ZFYVE16: variants seen among roughly 807,000 people sequenced by gnomAD.
ZFYVE16 encodes the protein zinc finger FYVE-type containing 16, also known as zinc finger FYVE domain-containing protein 16.
ZFYVE16 carries 89 observed loss-of-function variants against 138.1 expected under a neutral mutation model. The observed-to-expected ratio is 0.64, with a 90% CI of 0.54 to 0.77. The LOEUF is 0.77. ZFYVE16 is among the 30% of genes least tolerant of loss of function. ZFYVE16 has a pLI of 0.00. For synonymous variants in ZFYVE16, 596 were observed against 618.3 expected, an observed-to-expected ratio of 0.96 and a Z score of 0.53; for missense variants, 1,793 against 1,786.7, an observed-to-expected ratio of 1.00 and a Z score of -0.06.
intron 2 of ZFYVE16, among the ~76,000 whole-genome samples, chr5:80,429,378 T>A (rs1748635036): frequency 6.6e-6 from 1 of 152,042 alleles, no homozygotes; most frequent in Non-Finnish European, 1.5e-5. Flanking sequence ...AGAAATAAAA[T>A]CCTTTACAGA....
intron 10 of ZFYVE16, among the ~76,000 whole-genome samples, chr5:80,450,844 T>A (rs1751916580): frequency 6.7e-6 from 1 of 149,004 alleles, no homozygotes; most frequent in East Asian, 2.0e-4. Context: ...TTTGAGACAG[T>A]GTCTCCACCC....
Position 80,443,266 on chromosome 5 carries a change from A to G in ZFYVE16, c.2563A>G (p.Lys855Glu). 6.2e-7 allele frequency: 1 copy of G among 1,608,854 alleles called. No homozygotes were observed. Among genetic ancestry groups the G allele is most frequent in the Non-Finnish European group, 8.5e-7 (1 of 1,178,850 alleles). ...AGCAACTTTGCCAGTCTCAGCACTT[A>G]AACAACCAGGTGTTGAAGGTAATAG... ...SPATLPVSAL[K>E]QPGVEGLCSK... Residue 855 changes from lysine (K) to glutamate (E), a missense_variant, in exon 6 of 19, where the codon AAA becomes GAA. Lys to Glu is a moderately conservative substitution (Grantham distance 56). Around this residue, in one of 2 missense-constraint regions of ZFYVE16, gnomAD observed 1,295 missense variants for 1,204.3 expected, o/e 1.08. Coordinates refer to ENST00000505560, the MANE Select transcript of ZFYVE16 (RefSeq NM_001284236.3).
In ZFYVE16 at chr5:80,438,732, A is replaced by G. The variant is rs770225703; in HGVS notation, c.2047A>G (p.Thr683Ala). The G allele has an allele frequency of 3.7e-6, 6 of 1,614,150 alleles. No homozygotes were observed. The highest frequency in any genetic ancestry group is 4.2e-6 in the Non-Finnish European group (5 of 1,179,988). The stretch of plus-strand genomic sequence containing the variant: ...AGAAAGTGAACCCAGCACAGCAGAT[A>G]CCGTTGTTCCAATCACTTGTGCTAT... ...TIESEPSTADTVVPITCAIDS... is the reference protein window; with the variant it reads ...TIESEPSTADAVVPITCAIDS... The change falls in exon 4 of 19, where the codon ACC becomes GCC. Residue 683 changes from threonine to alanine, a missense_variant. By Grantham distance (58) the Thr-to-Ala change is moderately conservative. Around this residue, in one of 2 missense-constraint regions of ZFYVE16, gnomAD observed 1,295 missense variants for 1,204.3 expected, o/e 1.08. Transcript: ENST00000505560.
chr5:80,446,995 C>T (rs1751427915), intron 7 of ZFYVE16, among the ~76,000 whole-genome samples: 1 of 152,138 alleles, frequency 6.6e-6, no homozygotes, highest in African/African-American at 2.4e-5. Flanking sequence ...GGCGCGGTGG[C>T]TCATGCCTGT....
At position 80,479,768 on chromosome 5, in the gene ZFYVE16, T is replaced by G. The variant is rs1406946410; in HGVS notation, c.*2391T>G. 6.6e-6 allele frequency among the ~76,000 whole-genome samples: 1 copy of G among 152,154 alleles called. No homozygotes were observed. The highest frequency in any genetic ancestry group is 2.4e-5 in the African/African-American group (1 of 41,432). On this transcript the variant is annotated 3_prime_UTR_variant, in exon 19 of 19. Transcript: ENST00000505560. ...ATGTACCCTTACTCTGACAACCTTA[T>G]GAGTGAGGGGGACAGAAATTAAAGT...
At chr5:80,465,099 T>C (rs1421552912) in intron 15 of ZFYVE16, among the ~76,000 whole-genome samples, 1 of 152,088 alleles carries the variant, frequency 6.6e-6, no homozygotes, top group Non-Finnish European at 1.5e-5. Flanking sequence ...TATGTTCTTA[T>C]ATATTAACCT....
intron 2 of ZFYVE16, 101 bp from the exon 3 acceptor site, chr5:80,434,008 T>C (rs1749506190): frequency 2.6e-6 from 2 of 772,846 alleles, no homozygotes; most frequent in Non-Finnish European, 4.1e-6. Flanking sequence ...TTAAATTTTA[T>C]TTCTGTGTCA....
At chr5:80,426,125 C>T (rs980236407) in intron 1 of ZFYVE16, among the ~76,000 whole-genome samples, 1 of 151,266 alleles carries the variant, frequency 6.6e-6, no homozygotes, top group Non-Finnish European at 1.5e-5. Context: ...ATACCATGCT[C>T]ATGAATTGGA....
chr5:80,454,743 C>G (rs542148830), intron 11 of ZFYVE16: 1 of 152,298 alleles, frequency 6.6e-6, no homozygotes, highest in African/African-American at 2.4e-5. Context: ...ATCTCCTGAC[C>G]TCATCATCTA....
rs556234946 is a variant in ZFYVE16 at position 80,435,333 on chromosome 5, TAATTTTTGTATTTTTG to T, written c.70+1117_70+1132del. ...CAGGCCTGAGCCACCAGGCCCGGCCTAATTTTTGTATTTTTGGTAGAGATGGGGTTTCACCATGTTG... is the reference window on the plus strand; with the variant it reads ...CAGGCCTGAGCCACCAGGCCCGGCCTGTAGAGATGGGGTTTCACCATGTTG... On this transcript the variant is annotated intron_variant, in intron 3 of 18. Transcript: ENST00000505560. Among the ~76,000 whole-genome samples the T allele has an allele frequency of 2.0e-3, 304 of 152,090 alleles. 2 individuals are homozygous for T. Among genetic ancestry groups the T allele is most frequent in the African/African-American group, 7.0e-3 (291 of 41,518 alleles).
At chr5:80,424,111 A>G (rs1349448052) in intron 1 of ZFYVE16, among the ~76,000 whole-genome samples, 1 of 149,190 alleles carries the variant, frequency 6.7e-6, no homozygotes, top group Admixed American at 6.7e-5. Flanking sequence ...ATGCCCAGCT[A>G]ATTTTTGTAT....
chr5:80,440,634 TTGG>T (rs1308638538), intron 5 of ZFYVE16: 3 of 982,678 alleles, frequency 3.1e-6, no homozygotes, highest in Non-Finnish European at 3.6e-6. Flanking sequence ...AGCAATATTC[TTGG>T]TGGTCTTTGA....
At chr5:80,451,394 C>A in intron 10 of ZFYVE16, 91 bp from the exon 11 acceptor site, 1 of 915,036 alleles carries the variant, frequency 1.1e-6, no homozygotes, top group Non-Finnish European at 1.6e-6. Flanking sequence ...TGTATTGGAT[C>A]AGTTTTTTGG....
At chr5:80,451,876 A>G (rs1752020664) in intron 11 of ZFYVE16, 167 bp downstream of exon 11, 2 of 631,700 alleles carry the variant, frequency 3.2e-6, no homozygotes, top group Non-Finnish European at 2.7e-6. Flanking sequence ...GTTGGTCTAG[A>G]TAACTGTGGT....
intron 1 of ZFYVE16, among the ~76,000 whole-genome samples, chr5:80,427,191 A>T (rs1748211165): frequency 6.6e-6 from 1 of 152,080 alleles, no homozygotes; most frequent in Non-Finnish European, 1.5e-5. Context: ...GGCCACACAT[A>T]AATGTCTTCT....
intron 1 of ZFYVE16, among the ~76,000 whole-genome samples, chr5:80,416,426 TTG>T (rs1477072263): frequency 5.3e-5 from 8 of 151,816 alleles, no homozygotes; most frequent in Non-Finnish European, 1.0e-4. Flanking sequence ...CGGCTAATTT[TTG>T]TGTTTTTAGT....
In ZFYVE16 at chr5:80,414,836, G is replaced by A. The variant is rs149598448; in HGVS notation, c.-94+6683G>A. On this transcript the variant is annotated intron_variant, in intron 1 of 18. Coordinates refer to ENST00000505560, the MANE Select transcript of ZFYVE16 (RefSeq NM_001284236.3). The stretch of plus-strand genomic sequence containing the variant: ...GAGCAGGCTGGGGTGGGAAGTTCAG[G>A]AATGTTGGGGAAAGGAGAGGTAGGG... Among the ~76,000 whole-genome samples the A allele has an allele frequency of 4.9e-3, 748 of 152,284 alleles. 13 individuals carry two copies. The highest frequency in any genetic ancestry group is 3.4e-3 in the Non-Finnish European group (234 of 68,014).
At position 80,481,162 on chromosome 5, in the gene ZFYVE16, A is replaced by G. The variant is rs758783846; in HGVS notation, c.*3785A>G. On this transcript the variant is annotated 3_prime_UTR_variant, in exon 19 of 19. Transcript: ENST00000505560. ...TCTGGACTTTCCTTGCTCTACATCA[A>G]TCCCGCAGCAGTAAAGAGGTATCAC... is the stretch of plus-strand genomic sequence containing the variant. 3.9e-5 allele frequency among the ~76,000 whole-genome samples: 6 copies of G among 152,050 alleles called. No individual in the cohort carries two copies. Among genetic ancestry groups the G allele is most frequent in the Non-Finnish European group, 8.8e-5 (6 of 67,994 alleles).
chr5:80,430,639 T>C (rs553295417), intron 2 of ZFYVE16, among the ~76,000 whole-genome samples: 5 of 152,106 alleles, frequency 3.3e-5, no homozygotes, highest in African/African-American at 1.2e-4. Context: ...AAAAAATCAA[T>C]GAATCCAGGA....
Sources: allele counts gnomAD v4.1 joint callset (sites outside exome capture counted in the v4.1 genomes callset), GRCh38; gene constraint gnomAD v4.1.1; regional missense constraint gnomAD v4.1.1; transcripts MANE v1.5; gene names NCBI Gene and HGNC (gene_info 2026-07-23, HGNC 2026-07-21).